ZSWIM6: variants seen among roughly 807,000 people sequenced by gnomAD.
The protein encoded by ZSWIM6 is zinc finger SWIM-type containing 6.
A neutral mutation model predicts 113.2 loss-of-function variants in ZSWIM6; 9 were observed. That is an observed-to-expected ratio of 0.08 (90% CI 0.05 to 0.14). The LOEUF (loss-of-function observed/expected upper bound fraction) is 0.14, where lower values mean the gene tolerates loss of function less well. Among genes scored for constraint, ZSWIM6 ranks in the 10% least tolerant of loss-of-function variants. ZSWIM6 has a pLI of 1.00. For synonymous variants in ZSWIM6, 611 were observed against 606.5 expected (o/e 1.01, Z -0.11); for missense variants, 1,162 against 1,552.2 (o/e 0.75, Z 4.22).
intron 1 of ZSWIM6, among the ~76,000 whole-genome samples, chr5:61,379,220 A>G (rs1214754793): frequency 1.3e-5 from 2 of 151,696 alleles, no homozygotes; most frequent in Admixed American, 6.6e-5. Flanking sequence ...GAATGTAAAA[A>G]GATAAATAAA....
intron 1 of ZSWIM6, among the ~76,000 whole-genome samples, chr5:61,410,135 G>A (rs1746124135): frequency 6.6e-6 from 1 of 152,038 alleles, no homozygotes; most frequent in Admixed American, 6.5e-5. Context: ...GGTGAAGTCA[G>A]CATATAGACC....
chr5:61,448,534 A>G (rs1018964203), intron 1 of ZSWIM6, among the ~76,000 whole-genome samples: 4 of 152,152 alleles, frequency 2.6e-5, no homozygotes, highest in Non-Finnish European at 5.9e-5. Flanking sequence ...TTTTCTTTTT[A>G]TCAAATACTG....
At chr5:61,528,271 AC>A (rs750325442) in intron 7 of ZSWIM6, among the ~76,000 whole-genome samples, 68 of 152,052 alleles carry the variant, frequency 4.5e-4, no homozygotes, top group Admixed American at 7.2e-4. Flanking sequence ...CTGAAAAAAA[AC>A]AGATTTATTT....
intron 7 of ZSWIM6, 117 bp from the exon 8 acceptor site, chr5:61,529,935 A>G: frequency 4.4e-6 from 4 of 898,904 alleles, no homozygotes; most frequent in Non-Finnish European, 6.3e-6. Context: ...TTCGAACAGA[A>G]TTCAGAACTG....
chr5:61,458,827 G>A (rs181925761), intron 1 of ZSWIM6, among the ~76,000 whole-genome samples: 2 of 150,624 alleles, frequency 1.3e-5, no homozygotes, highest in South Asian at 2.1e-4. Context: ...ACAGTGAGCC[G>A]AGATCATGCC....
chr5:61,448,595 T>G (rs573776977), intron 1 of ZSWIM6, among the ~76,000 whole-genome samples: 1 of 152,192 alleles, frequency 6.6e-6, no homozygotes, highest in South Asian at 2.1e-4. Flanking sequence ...ATGTTCTGTT[T>G]GGGGGAGGAG....
At chr5:61,338,724 A>G (rs976674616) in intron 1 of ZSWIM6, among the ~76,000 whole-genome samples, 40 of 152,222 alleles carry the variant, frequency 2.6e-4, no homozygotes, top group Non-Finnish European at 4.4e-4. Flanking sequence ...AAACATTTTC[A>G]TTCTTTTTAA....
intron 1 of ZSWIM6, among the ~76,000 whole-genome samples, chr5:61,388,836 CATTGTTTGAAGTAGGAACA>C: frequency 6.6e-6 from 1 of 152,306 alleles, no homozygotes; most frequent in Non-Finnish European, 1.5e-5. Flanking sequence ...TGTTTGCATC[CATTGTTTGAAGTAGGAACA>C]ATTATGAAAT....
intron 1 of ZSWIM6, among the ~76,000 whole-genome samples, chr5:61,407,807 T>TAA (rs1386754342): frequency 6.6e-6 from 1 of 152,230 alleles, no homozygotes; most frequent in Non-Finnish European, 1.5e-5. Context: ...ATCTGTTTTC[T>TAA]AAAAATAAAA....
At chr5:61,526,042 T>G (rs1749271302) in intron 6 of ZSWIM6, 66 bp downstream of exon 6, 1 of 1,520,760 alleles carries the variant, frequency 6.6e-7, no homozygotes. Context: ...ATAGCATTAC[T>G]GGAATGGGAG....
At chr5:61,437,549 C>T (rs1240063052) in intron 1 of ZSWIM6, among the ~76,000 whole-genome samples, 1 of 151,864 alleles carries the variant, frequency 6.6e-6, no homozygotes, top group Non-Finnish European at 1.5e-5. Flanking sequence ...ATGGCAAAAC[C>T]TGGTCTCTAT....
intron 1 of ZSWIM6, among the ~76,000 whole-genome samples, chr5:61,410,497 A>T (rs1045137302): frequency 2.6e-5 from 4 of 151,492 alleles, no homozygotes; most frequent in African/African-American, 9.7e-5. Flanking sequence ...TTTAGTAGAG[A>T]TGGGGTTTCA....
intron 1 of ZSWIM6, among the ~76,000 whole-genome samples, chr5:61,396,486 G>A (rs531384143): frequency 1.7e-3 from 255 of 147,668 alleles, no homozygotes; most frequent in African/African-American, 6.0e-3. Flanking sequence ...AGCCGACATC[G>A]CGCCACTGCA....
At chr5:61,451,302 TA>T (rs756599257) in intron 1 of ZSWIM6, among the ~76,000 whole-genome samples, 56 of 152,222 alleles carry the variant, frequency 3.7e-4, no homozygotes, top group Non-Finnish European at 7.1e-4. Context: ...AACTACTTTT[TA>T]TTTTTTTAAT....
At chr5:61,356,738 ATT>A (rs1744919736) in intron 1 of ZSWIM6, among the ~76,000 whole-genome samples, 1 of 137,244 alleles carries the variant, frequency 7.3e-6, no homozygotes, top group Non-Finnish European at 1.5e-5. Context: ...TATAATATAT[ATT>A]ATATATATAT....
intron 1 of ZSWIM6, among the ~76,000 whole-genome samples, chr5:61,368,142 C>T (rs1414365870): frequency 6.6e-6 from 1 of 152,066 alleles, no homozygotes; most frequent in Non-Finnish European, 1.5e-5. Context: ...CCAAAAGTTT[C>T]TACCTACACG....
intron 1 of ZSWIM6, among the ~76,000 whole-genome samples, chr5:61,381,971 C>A (rs944792850): frequency 6.6e-6 from 1 of 152,124 alleles, no homozygotes; most frequent in Non-Finnish European, 1.5e-5. Context: ...TAGTAAAGGT[C>A]CACCTGCTAA....
intron 1 of ZSWIM6, among the ~76,000 whole-genome samples, chr5:61,448,381 C>G (rs892552514): frequency 6.6e-6 from 1 of 152,190 alleles, no homozygotes; most frequent in Non-Finnish European, 1.5e-5. Flanking sequence ...ATAAAAATCA[C>G]TTTTCAGAAT....
At chr5:61,405,092 C>T (rs1306077688) in intron 1 of ZSWIM6, among the ~76,000 whole-genome samples, 1 of 152,158 alleles carries the variant, frequency 6.6e-6, no homozygotes, top group Non-Finnish European at 1.5e-5. Flanking sequence ...AGTGAGAGAC[C>T]AGTTGAACTT....
Sources: gnomAD v4.1 joint callset for allele counts (sites outside exome capture counted in the v4.1 genomes callset) on GRCh38, gnomAD v4.1.1 for gene constraint, MANE v1.5 for transcripts, NCBI Gene and HGNC (gene_info 2026-07-23, HGNC 2026-07-21) for gene names.